The following CFTR variants were observed in gnomAD, a reference collection of about 807,000 sequenced individuals.
CFTR encodes cystic fibrosis transmembrane conductance regulator.
CFTR carries 181 observed loss-of-function variants against 171.6 expected under a neutral mutation model. That is an observed-to-expected ratio of 1.05 (90% CI 0.93 to 1.19). The LOEUF (loss-of-function observed/expected upper bound fraction) is 1.19. Among genes scored for constraint, CFTR ranks in the 50% most tolerant of loss-of-function variants. The probability of loss-of-function intolerance (pLI) is 0.00; values close to 1 mark genes in which losing one functional copy is unlikely to be tolerated. For missense variants in CFTR, 1,968 were observed against 1,734.7 expected (o/e 1.13, Z -2.39); for synonymous variants, 583 against 608.0 (o/e 0.96, Z 0.60).
At chr7:117,546,329 C>A (rs1301511483) in intron 9 of CFTR, among the ~76,000 whole-genome samples, 1 of 151,936 alleles carries the variant, frequency 6.6e-6, no homozygotes, top group East Asian at 1.9e-4. Flanking sequence ...GAGACAGGGT[C>A]TCACTACGTT....
intron 15 of CFTR, 23 bp from the exon 16 acceptor site, chr7:117,602,803 A>C: frequency 6.2e-7 from 1 of 1,612,642 alleles, no homozygotes; most frequent in Non-Finnish European, 8.5e-7. Context: ...AAAAAAAATC[A>C]ACTGTGTCTT....
chr7:117,605,676 G>A (rs773700002), intron 17 of CFTR, among the ~76,000 whole-genome samples: 1 of 152,114 alleles, frequency 6.6e-6, no homozygotes, highest in Non-Finnish European at 1.5e-5. Flanking sequence ...AATGAGAGCT[G>A]AGGGGAAAGG....
At position 117,596,438 on chromosome 7, in the gene CFTR, C is replaced by T. The variant is rs979347476; in HGVS notation, c.2619+1380C>T. ...CGTGGCCCAAGCCTCCTGACGAGCA[C>T]CGCCCCCTGCTCCACGGCACCCAGT... On this transcript the variant is annotated intron_variant, in intron 15 of 26. Coordinates refer to ENST00000003084, the MANE Select transcript of CFTR (RefSeq NM_000492.4). Among the ~76,000 whole-genome samples the T allele has an allele frequency of 4.1e-4, 62 of 152,364 alleles. 1 individual carries two copies. The highest frequency in any genetic ancestry group is 1.3e-3 in the African/African-American group (54 of 41,590).
chr7:117,596,080 C>T (rs2116042402), intron 15 of CFTR, among the ~76,000 whole-genome samples: 1 of 152,334 alleles, frequency 6.6e-6, no homozygotes, highest in Non-Finnish European at 1.5e-5. Flanking sequence ...CTCCCCTGCA[C>T]TGTGGGAGCC....
At chr7:117,625,201 T>C (rs28472519) in intron 21 of CFTR, among the ~76,000 whole-genome samples, 10,943 of 152,234 alleles carry the variant, frequency 0.072, 627 homozygotes, top group African/African-American at 0.15. Flanking sequence ...TTCTTGGCTA[T>C]GCATATTTGG....
intron 21 of CFTR, among the ~76,000 whole-genome samples, chr7:117,621,297 T>G (rs1165309670): frequency 6.6e-6 from 1 of 152,214 alleles, no homozygotes; most frequent in East Asian, 1.9e-4. Context: ...ATTTTAGCTC[T>G]GATTTTCTGT....
intron 22 of CFTR, among the ~76,000 whole-genome samples, chr7:117,629,971 T>C (rs1792716533): frequency 6.6e-6 from 1 of 152,200 alleles, no homozygotes; most frequent in African/African-American, 2.4e-5. Context: ...CCAGATACCA[T>C]TGCTCCTCTT....
chr7:117,515,555 C>A (rs1353041706), intron 3 of CFTR, among the ~76,000 whole-genome samples: 1 of 152,120 alleles, frequency 6.6e-6, no homozygotes, highest in African/African-American at 2.4e-5. Context: ...GTTACCGTAG[C>A]CTTGTAGTAT....
chr7:117,550,567 A>G (rs148630551), intron 10 of CFTR, among the ~76,000 whole-genome samples: 4 of 152,284 alleles, frequency 2.6e-5, no homozygotes, highest in African/African-American at 9.6e-5. Context: ...GATACTAAAT[A>G]AGTTAGCAAT....
chr7:117,507,710 G>C (rs1798443660), intron 2 of CFTR, among the ~76,000 whole-genome samples: 1 of 152,176 alleles, frequency 6.6e-6, no homozygotes, highest in Admixed American at 6.5e-5. Flanking sequence ...AGCTTCTAGG[G>C]GATGCCAAGA....
At chr7:117,507,951 A>G (rs746475738) in intron 2 of CFTR, among the ~76,000 whole-genome samples, 26 of 152,210 alleles carry the variant, frequency 1.7e-4, no homozygotes, top group South Asian at 8.3e-4. Flanking sequence ...GGCCTGGCTA[A>G]TTTTTGTAGA....
intron 21 of CFTR, among the ~76,000 whole-genome samples, chr7:117,619,119 T>A (rs1792535540): frequency 6.6e-6 from 1 of 152,224 alleles, no homozygotes; most frequent in Non-Finnish European, 1.5e-5. Context: ...TATGAATTTA[T>A]AGTTGTTATT....
At chr7:117,614,077 A>T (rs1268937955) in intron 20 of CFTR, among the ~76,000 whole-genome samples, 1 of 124,774 alleles carries the variant, frequency 8.0e-6, no homozygotes, top group African/African-American at 3.2e-5. Flanking sequence ...TAGTTTTCTG[A>T]CTGTCCGGTG....
intron 6 of CFTR, among the ~76,000 whole-genome samples, 187 bp from the exon 7 acceptor site, chr7:117,536,361 C>A (rs771980579): frequency 6.6e-6 from 1 of 152,124 alleles, no homozygotes; most frequent in Non-Finnish European, 1.5e-5. Flanking sequence ...GTCTGTACAG[C>A]GTCTGGCACA....
At chr7:117,493,082 C>T (rs1420653651) in intron 1 of CFTR, among the ~76,000 whole-genome samples, 1 of 151,912 alleles carries the variant, frequency 6.6e-6, no homozygotes, top group Non-Finnish European at 1.5e-5. Context: ...CACAGCGTTT[C>T]CTTTAAAGTT....
At chr7:117,618,109 C>T (rs1428536144) in intron 21 of CFTR, among the ~76,000 whole-genome samples, 1 of 152,168 alleles carries the variant, frequency 6.6e-6, no homozygotes, top group African/African-American at 2.4e-5. Flanking sequence ...CTCTCTGGCT[C>T]TTCCTTGGTC....
At chr7:117,502,323 C>A (rs1418229707) in intron 1 of CFTR, among the ~76,000 whole-genome samples, 1 of 152,198 alleles carries the variant, frequency 6.6e-6, no homozygotes, top group East Asian at 1.9e-4. Context: ...ATCTCTTTAT[C>A]AATAAAATTG....
At position 117,567,755 on chromosome 7, in the gene CFTR, C is replaced by G. The variant is rs183301198; in HGVS notation, c.1584+8100C>G. Among the ~76,000 whole-genome samples, 9 of 150,456 alleles carry G rather than the reference C, an allele frequency of 6.0e-5. No homozygotes were observed. The East Asian group carries it at 1.5e-3, about 26-fold the overall frequency. Reference sequence around the variant, plus strand: ...TTTGAACTAGGGACTGGGCCAAACTCTAGGAACATATTTGATGACAGAGAC... The same window carrying G: ...TTTGAACTAGGGACTGGGCCAAACTGTAGGAACATATTTGATGACAGAGAC... On this transcript the variant is annotated intron_variant, in intron 11 of 26. Transcript: ENST00000003084.
intron 10 of CFTR, among the ~76,000 whole-genome samples, chr7:117,556,373 T>C (rs1799355661): frequency 6.6e-6 from 1 of 151,808 alleles, no homozygotes; most frequent in African/African-American, 2.4e-5. Flanking sequence ...ATTAATATTA[T>C]TGTTACCCAA....
Sources: gnomAD v4.1 joint callset for allele counts (sites outside exome capture counted in the v4.1 genomes callset) on GRCh38, gnomAD v4.1.1 for gene constraint, MANE v1.5 for transcripts, NCBI Gene and HGNC (gene_info 2026-07-23, HGNC 2026-07-21) for gene names.